WDR49: variants seen among roughly 807,000 people sequenced by gnomAD.
WDR49 encodes the protein WD repeat domain 49.
A neutral mutation model predicts 119.5 loss-of-function variants in WDR49; 107 were observed. The ratio of observed to expected loss-of-function variants is 0.90; its 90% CI spans 0.77 to 1.05. The LOEUF (loss-of-function observed/expected upper bound fraction) is 1.05. Ranked by LOEUF, WDR49 falls within the 50% of genes least tolerant of loss-of-function variation. WDR49 has a pLI of 0.00. For missense variants in WDR49, 1,240 were observed against 1,220.5 expected, an observed-to-expected ratio of 1.02 and a Z score of -0.24; for synonymous variants, 425 against 418.8, an observed-to-expected ratio of 1.01 and a Z score of -0.18.
chr3:167,487,159 T>C (rs1750954523), intron 18 of WDR49, among the ~76,000 whole-genome samples: 1 of 152,030 alleles, frequency 6.6e-6, no homozygotes, highest in Non-Finnish European at 1.5e-5. Flanking sequence ...CAAAACAGCA[T>C]GGTACTGACA....
chr3:167,629,144 T>G (rs1717257050), intron 2 of WDR49, among the ~76,000 whole-genome samples: 1 of 151,964 alleles, frequency 6.6e-6, no homozygotes, highest in Non-Finnish European at 1.5e-5. Context: ...CTTAGTTACT[T>G]GGGAAGCTGA....
At chr3:167,500,383 C>CAAGTTAAATTTATAA in intron 17 of WDR49, 84 bp from the exon 18 acceptor site, 1 of 1,508,320 alleles carries the variant, frequency 6.6e-7, no homozygotes, top group Non-Finnish European at 8.9e-7. Context: ...AGCACATTTC[C>CAAGTTAAATTTATAA]AAGTTAACTT....
intron 8 of WDR49, among the ~76,000 whole-genome samples, chr3:167,564,984 C>T (rs1041804915): frequency 7.9e-5 from 12 of 151,734 alleles, no homozygotes; most frequent in Non-Finnish European, 1.8e-4. Flanking sequence ...GATTCCATTG[C>T]TGTTTATAAT....
Position 167,589,066 on chromosome 3 carries a change from T to C in WDR49, c.1276-12915A>G, listed in dbSNP as rs993772664. On this transcript the variant is annotated intron_variant, in intron 7 of 18. Coordinates refer to ENST00000682715, the MANE Select transcript of WDR49 (RefSeq NM_001366157.1). ...TGTTTTTATTTAGCAGATTCATAGT[T>C]TGAGGTATTAGATTTAAATCTATAA... Among the ~76,000 whole-genome samples the C allele has an allele frequency of 9.2e-5, 14 of 152,314 alleles. No homozygotes were observed. In the South Asian group the frequency reaches 1.0e-3, roughly 11 times the overall value.
chr3:167,646,479 A>G (rs1718134836), intron 2 of WDR49, among the ~76,000 whole-genome samples: 1 of 152,190 alleles, frequency 6.6e-6, no homozygotes, highest in African/African-American at 2.4e-5. Flanking sequence ...AGAACAAGTT[A>G]GTACGAAGTC....
chr3:167,653,444 C>A lies in WDR49; in HGVS notation c.-19G>T. On this transcript the variant is annotated 5_prime_UTR_variant, in exon 2 of 19. Coordinates refer to ENST00000682715, the MANE Select transcript of WDR49 (RefSeq NM_001366157.1). ...AACTCATAATGGCTTCACCTTTTCT[C>A]AGTTGCCTTCAACTATTTCTATAAG... 1 of 1,472,812 alleles carries A rather than the reference C, an allele frequency of 6.8e-7. No homozygotes were observed. Among genetic ancestry groups the A allele is most frequent in the South Asian group, 1.4e-5 (1 of 73,288 alleles). 91.2% of individuals were successfully genotyped at this position (1,472,812 alleles called of 1,614,324 possible).
chr3:167,478,920 TA>T lies in WDR49; in HGVS notation c.3107del (p.Leu1036TyrfsTer9). 1 of 1,609,766 alleles carries T rather than the reference TA, an allele frequency of 6.2e-7. No homozygotes were observed. The highest frequency in any genetic ancestry group is 1.1e-5 in the South Asian group (1 of 89,454). On this transcript the variant is annotated frameshift_variant, in exon 19 of 19. Coordinates refer to ENST00000682715, the MANE Select transcript of WDR49 (RefSeq NM_001366157.1). LOFTEE classifies it high-confidence loss of function. ...ILHHERKAKQ[L>X]CQEKSCEVKK... ...TCACTTCACAACTTTTTTCTTGGCA[TA>T]ATTGCTTGGCTTTTCGTTCATGATG...
At chr3:167,573,999 T>C (rs952292512) in intron 8 of WDR49, among the ~76,000 whole-genome samples, 45 of 152,364 alleles carry the variant, frequency 3.0e-4, no homozygotes, top group African/African-American at 1.1e-3. Flanking sequence ...TGCTGAAATG[T>C]GACCAACACT....
chr3:167,520,369 G>A (rs1009968220), intron 16 of WDR49, among the ~76,000 whole-genome samples: 78 of 152,060 alleles, frequency 5.1e-4, no homozygotes, highest in African/African-American at 1.9e-3. Flanking sequence ...GCATGTGATG[G>A]AAAGAAAAAA....
intron 2 of WDR49, among the ~76,000 whole-genome samples, chr3:167,629,121 G>A (rs1193796001): frequency 1.3e-5 from 2 of 152,044 alleles, no homozygotes; most frequent in Admixed American, 1.3e-4. Flanking sequence ...GTTGGGCATC[G>A]TGAGCCTGTA....
At chr3:167,547,218 T>C (rs1046900559) in intron 10 of WDR49, among the ~76,000 whole-genome samples, 3 of 151,896 alleles carry the variant, frequency 2.0e-5, no homozygotes, top group Non-Finnish European at 4.4e-5. Context: ...TCTTGTGATA[T>C]ATAAGTTTTA....
rs559788759 is a variant in WDR49 at position 167,499,102 on chromosome 3, A to T, written c.3031+1051T>A. 2.0e-5 allele frequency among the ~76,000 whole-genome samples: 3 copies of T among 148,298 alleles called. No homozygotes were observed. In the East Asian group the frequency reaches 5.8e-4, roughly 29 times the overall value. On this transcript the variant is annotated intron_variant, in intron 18 of 18. Coordinates refer to ENST00000682715, the MANE Select transcript of WDR49 (RefSeq NM_001366157.1). Reference sequence around the variant, plus strand: ...ATTCTAAGAAAATGTTTTTTAAAATAAAAAAAACAAAACCTGATAATAATT... The same window carrying T: ...ATTCTAAGAAAATGTTTTTTAAAATTAAAAAAACAAAACCTGATAATAATT...
intron 5 of WDR49, among the ~76,000 whole-genome samples, chr3:167,605,506 C>T (rs1716015300): frequency 6.6e-6 from 1 of 152,084 alleles, no homozygotes; most frequent in South Asian, 2.1e-4. Context: ...CAGATGCAGT[C>T]TGGACTTCAA....
intron 2 of WDR49, among the ~76,000 whole-genome samples, chr3:167,635,847 T>C (rs576636042): frequency 1.3e-4 from 20 of 151,774 alleles, no homozygotes; most frequent in Non-Finnish European, 2.7e-4. Flanking sequence ...ATATTAAAGA[T>C]GTATACCATA....
rs199745929 is a variant in WDR49, at chr3:167,602,118, G to A, written c.1275+9C>T. The A allele has an allele frequency of 1.5e-3, 2,423 of 1,579,704 alleles. 2 individuals are homozygous for A. The highest frequency in any genetic ancestry group is 1.7e-3 in the Non-Finnish European group (1,970 of 1,155,190). On this transcript the variant is annotated intron_variant, in intron 7 of 18. Coordinates refer to ENST00000682715, the MANE Select transcript of WDR49 (RefSeq NM_001366157.1). The stretch of plus-strand genomic sequence containing the variant: ...AAACTAAATTAATTAAAAGCACAAT[G>A]TTACTTACTTTATCCTTGGAGAAGC...
chr3:167,575,380 C>T (rs1714196092), intron 8 of WDR49: 1 of 768,286 alleles, frequency 1.3e-6, no homozygotes, highest in Non-Finnish European at 1.6e-6. Flanking sequence ...TGCGGAGCGT[C>T]ATTAAACTGG....
At chr3:167,564,691 C>T (rs1020052147) in intron 8 of WDR49, among the ~76,000 whole-genome samples, 5 of 152,174 alleles carry the variant, frequency 3.3e-5, no homozygotes, top group African/African-American at 4.8e-5. Context: ...GATCGTTGTT[C>T]TGATGAGAAC....
chr3:167,485,993 T>C (rs1463216595), intron 18 of WDR49, among the ~76,000 whole-genome samples: 2 of 148,786 alleles, frequency 1.3e-5, no homozygotes, highest in Non-Finnish European at 3.0e-5. Flanking sequence ...AAAAAGGCAG[T>C]TAGAAAGAAT....
intron 16 of WDR49, among the ~76,000 whole-genome samples, chr3:167,512,169 A>G (rs1230248913): frequency 2.0e-5 from 3 of 152,170 alleles, no homozygotes; most frequent in Admixed American, 6.5e-5. Flanking sequence ...ACCTCCAAAC[A>G]GGGGTCACCA....
Sources: gnomAD v4.1 joint callset for allele counts (sites outside exome capture counted in the v4.1 genomes callset) on GRCh38, gnomAD v4.1.1 for gene constraint, MANE v1.5 for transcripts, NCBI Gene and HGNC (gene_info 2026-07-23, HGNC 2026-07-21) for gene names.